Variants in LRBA observed in about 807,000 individuals in gnomAD.
LRBA encodes the protein lipopolysaccharide-responsive and beige-like anchor protein.
LRBA carries 176 observed loss-of-function variants against 330.0 expected under a neutral mutation model. The ratio of observed to expected loss-of-function variants is 0.53; its 90% confidence interval spans 0.47 to 0.60. The LOEUF is 0.60. LRBA is among the 20% of genes least tolerant of loss of function. The pLI is 0.00. For synonymous variants in LRBA, 1,230 were observed against 1,193.0 expected, an observed-to-expected ratio of 1.03 and a Z score of -0.64; for missense variants, 3,259 against 3,444.8, an observed-to-expected ratio of 0.95 and a Z score of 1.35.
chr4:150,570,688 TC>T (rs1187543192), intron 40 of LRBA, among the ~76,000 whole-genome samples: 1 of 152,146 alleles, frequency 6.6e-6, no homozygotes, highest in Non-Finnish European at 1.5e-5. Flanking sequence ...TAAGTTGGCT[TC>T]TTTTTAAAAC....
At chr4:150,809,720 TTG>T (rs1178295154) in intron 31 of LRBA, among the ~76,000 whole-genome samples, 3 of 152,072 alleles carry the variant, frequency 2.0e-5, no homozygotes, top group East Asian at 1.9e-4. Context: ...CCAGGAATGG[TTG>T]TGTGTGCCTG....
chr4:150,535,978 C>T (rs892282042), intron 40 of LRBA, among the ~76,000 whole-genome samples: 1 of 152,050 alleles, frequency 6.6e-6, no homozygotes, highest in Non-Finnish European at 1.5e-5. Context: ...AAATATTTAC[C>T]TTAATATAAC....
At chr4:150,652,839 C>A (rs1779828816) in intron 37 of LRBA, among the ~76,000 whole-genome samples, 1 of 152,152 alleles carries the variant, frequency 6.6e-6, no homozygotes, top group African/African-American at 2.4e-5. Flanking sequence ...TGAGGTTAGA[C>A]ACCTAACGCC....
chr4:150,950,559 T>C (rs1404843724), intron 2 of LRBA, among the ~76,000 whole-genome samples: 2 of 117,326 alleles, frequency 1.7e-5, no homozygotes, highest in Admixed American at 1.1e-4. Context: ...GATCTATATA[T>C]TAGGTTTTCT....
intron 56 of LRBA, among the ~76,000 whole-genome samples, chr4:150,274,017 C>T (rs1019207735): frequency 6.6e-6 from 1 of 152,206 alleles, no homozygotes; most frequent in Non-Finnish European, 1.5e-5. Flanking sequence ...TTCTTCTCAG[C>T]ACCACACTGC....
At chr4:150,403,259 C>T (rs1581215021) in intron 47 of LRBA, among the ~76,000 whole-genome samples, 1 of 152,332 alleles carries the variant, frequency 6.6e-6, no homozygotes, top group South Asian at 2.1e-4. Context: ...AATCAGAGCA[C>T]TACTGAAAGC....
At chr4:150,706,816 T>C (rs1056584470) in intron 36 of LRBA, among the ~76,000 whole-genome samples, 1 of 151,568 alleles carries the variant, frequency 6.6e-6, no homozygotes, top group African/African-American at 2.4e-5. Context: ...ATACTAAGGT[T>C]CAGAGATCAT....
At chr4:150,286,967 T>G (rs2126783929) in intron 53 of LRBA, among the ~76,000 whole-genome samples, 1 of 152,366 alleles carries the variant, frequency 6.6e-6, no homozygotes, top group African/African-American at 2.4e-5. Flanking sequence ...GATCCTTTAC[T>G]TTTATAGTCT....
Position 150,768,346 on chromosome 4 carries a change from G to A in LRBA, c.5581-6499C>T, listed in dbSNP as rs549183012. 2.6e-4 allele frequency among the ~76,000 whole-genome samples: 39 copies of A among 152,214 alleles called. 1 individual carries two copies. Among genetic ancestry groups the A allele is most frequent in the South Asian group, 1.9e-3 (9 of 4,822 alleles). On this transcript the variant is annotated intron_variant, in intron 34 of 56. Transcript: ENST00000651943. ...AAAAGCTAGGAATTGAAGGCACTGA[G>A]TACATACGAAGGTGGCTGAGGGAAA...
chr4:150,749,610 A>G lies in LRBA; in HGVS notation c.5645+12173T>C, dbSNP rs546827441. On this transcript the variant is annotated intron_variant, in intron 35 of 56. Transcript: ENST00000651943. ...ATCTCTACCCAAAAAAAAAATAATAATAATAGCTGGGCATGGTGGCATGTG... is the reference window on the plus strand; with the variant it reads ...ATCTCTACCCAAAAAAAAAATAATAGTAATAGCTGGGCATGGTGGCATGTG... Among the ~76,000 whole-genome samples the G allele has an allele frequency of 2.0e-5, 3 of 152,146 alleles. No individual in the cohort carries two copies. The East Asian group carries it at 5.8e-4, about 29-fold the overall frequency.
intron 17 of LRBA, among the ~76,000 whole-genome samples, chr4:150,889,264 G>C (rs1331559659): frequency 6.9e-6 from 1 of 144,008 alleles, no homozygotes. Flanking sequence ...TACTGCTCAA[G>C]GTCATTGCCA....
At chr4:150,894,436 C>T (rs17027176) in intron 16 of LRBA, among the ~76,000 whole-genome samples, 3,493 of 152,268 alleles carry the variant, frequency 0.023, 124 homozygotes, top group African/African-American at 0.079. Flanking sequence ...AATACCAGCA[C>T]AAGAAACGAG....
At chr4:150,579,198 T>G in intron 40 of LRBA, 1 of 456,708 alleles carries the variant, frequency 2.2e-6, no homozygotes, top group Middle Eastern at 3.3e-4. Flanking sequence ...AAGGAGCTGC[T>G]GATGGACTTC....
chr4:150,753,632 A>C (rs1280938842), intron 35 of LRBA, among the ~76,000 whole-genome samples: 1 of 152,212 alleles, frequency 6.6e-6, no homozygotes, highest in Non-Finnish European at 1.5e-5. Flanking sequence ...GGTCTTGGTA[A>C]AAAAATGTCA....
intron 40 of LRBA, among the ~76,000 whole-genome samples, chr4:150,530,441 G>A (rs1368563110): frequency 6.6e-6 from 1 of 151,900 alleles, no homozygotes; most frequent in African/African-American, 2.4e-5. Context: ...ACTTCCATCT[G>A]GCAGTATCTA....
rs25462 is a variant in LRBA, at chr4:150,897,935, G to A, written c.1925-117C>T. Reference sequence around the variant, plus strand: ...GTGTTTGTAAGAAATATAAAGGTAGGTCTCCTACAGAATGACCTTTTATGC... The same window carrying A: ...GTGTTTGTAAGAAATATAAAGGTAGATCTCCTACAGAATGACCTTTTATGC... On this transcript the variant is annotated intron_variant, in intron 14 of 56. Coordinates refer to ENST00000651943, the MANE Select transcript of LRBA (RefSeq NM_001364905.1). 7.2e-3 allele frequency: 4,902 copies of A among 677,480 alleles called. 157 individuals carry two copies. The African/African-American group carries it at 0.079, about 11-fold the overall frequency. The allele number at this position is 677,480 out of a possible 1,614,324, so 42.0% of individuals were successfully genotyped here. A position where few individuals can be genotyped will look rare whatever the true frequency, so the allele number is the denominator to read the frequency against.
intron 33 of LRBA, among the ~76,000 whole-genome samples, chr4:150,803,773 T>C (rs760522326): frequency 6.6e-5 from 10 of 152,288 alleles, no homozygotes; most frequent in East Asian, 3.9e-4. Context: ...CATCAATGAA[T>C]AGGCACTGCT....
chr4:150,324,351 T>G (rs1217056810), intron 49 of LRBA, among the ~76,000 whole-genome samples: 1 of 152,214 alleles, frequency 6.6e-6, no homozygotes, highest in Non-Finnish European at 1.5e-5. Flanking sequence ...CTTCCATTGT[T>G]CTTGCTAAAT....
In LRBA at chr4:150,264,752, A is replaced by G. The variant is rs1745094240; in HGVS notation, c.*970T>C. 1 of 152,718 alleles carries G rather than the reference A, an allele frequency of 6.5e-6. No individual in the cohort carries two copies. Among genetic ancestry groups the G allele is most frequent in the Non-Finnish European group, 1.5e-5 (1 of 68,056 alleles). The allele number at this position is 152,718 out of a possible 1,614,324, so 9.5% of individuals were successfully genotyped here. On this transcript the variant is annotated 3_prime_UTR_variant, in exon 57 of 57. Transcript: ENST00000651943. ...CACAGTAATCTACTAGAAAAGTAGA[A>G]TTATACACCACCAAATAACATTGTT...
Sources: gnomAD v4.1 joint callset for allele counts (sites outside exome capture counted in the v4.1 genomes callset) on GRCh38, gnomAD v4.1.1 for gene constraint, MANE v1.5 for transcripts, NCBI Gene and HGNC (gene_info 2026-07-23, HGNC 2026-07-21) for gene names.